KCNMA1: variants seen among roughly 807,000 people sequenced by gnomAD.
KCNMA1 encodes the protein potassium calcium-activated channel subfamily M alpha 1.
A neutral mutation model predicts 140.0 loss-of-function variants in KCNMA1; 29 were observed. That is an observed-to-expected ratio of 0.21 (90% CI 0.15 to 0.28). The LOEUF (loss-of-function observed/expected upper bound fraction) is 0.28. Ranked by LOEUF, KCNMA1 falls within the 10% of genes least tolerant of loss-of-function variation. The probability of loss-of-function intolerance (pLI) is 1.00; values close to 1 mark genes in which losing one functional copy is unlikely to be tolerated. For missense variants in KCNMA1, 880 were observed against 1,602.2 expected (o/e 0.55, Z 7.70); for synonymous variants, 612 against 611.9 (o/e 1.00, Z 0.00).
chr10:77,559,906 G>A (rs868245899), intron 1 of KCNMA1, among the ~76,000 whole-genome samples: 6 of 152,190 alleles, frequency 3.9e-5, no homozygotes, highest in Middle Eastern at 3.4e-3. Context: ...GGCCAGGCAT[G>A]GTGGCTCACA....
intron 1 of KCNMA1, among the ~76,000 whole-genome samples, chr10:77,538,100 T>TA (rs2059342576): frequency 6.6e-6 from 1 of 151,060 alleles, no homozygotes; most frequent in Non-Finnish European, 1.5e-5. Flanking sequence ...CACATTCACA[T>TA]ACTCTACACA....
At chr10:77,034,106 T>C (rs911770101) in intron 15 of KCNMA1, among the ~76,000 whole-genome samples, 6 of 151,878 alleles carry the variant, frequency 4.0e-5, no homozygotes, top group Non-Finnish European at 8.8e-5. Flanking sequence ...TAACCGGTTG[T>C]GGTGGCACAC....
chr10:77,290,048 C>T (rs374502386), intron 2 of KCNMA1, among the ~76,000 whole-genome samples: 2 of 152,128 alleles, frequency 1.3e-5, no homozygotes, highest in East Asian at 3.9e-4. Flanking sequence ...GGAGGCGGTT[C>T]GATGCGGTAA....
At chr10:77,482,685 AGAG>A (rs2098412157) in intron 1 of KCNMA1, among the ~76,000 whole-genome samples, 2 of 152,098 alleles carry the variant, frequency 1.3e-5, no homozygotes, top group South Asian at 4.2e-4. Context: ...GAAAGTCCAC[AGAG>A]AACAAGAAGA....
At chr10:77,189,865 A>G (rs1010152105) in intron 3 of KCNMA1, among the ~76,000 whole-genome samples, 3 of 152,156 alleles carry the variant, frequency 2.0e-5, no homozygotes, top group African/African-American at 7.2e-5. Flanking sequence ...AATGTTGCCA[A>G]ATTAATTTAA....
At chr10:77,560,785 G>A (rs570725036) in intron 1 of KCNMA1, among the ~76,000 whole-genome samples, 15 of 152,294 alleles carry the variant, frequency 9.8e-5, no homozygotes, top group Admixed American at 9.2e-4. Context: ...CCTGGTAGTG[G>A]GTTTGGGCCC....
intron 3 of KCNMA1, among the ~76,000 whole-genome samples, chr10:77,214,925 G>A (rs537373811): frequency 6.6e-6 from 1 of 152,168 alleles, no homozygotes; most frequent in Non-Finnish European, 1.5e-5. Flanking sequence ...TCCCCAGATG[G>A]TACCATCAAC....
At chr10:77,467,794 C>T (rs2098062434) in intron 1 of KCNMA1, among the ~76,000 whole-genome samples, 1 of 152,190 alleles carries the variant, frequency 6.6e-6, no homozygotes, top group African/African-American at 2.4e-5. Context: ...CGAATTTTGA[C>T]CTTGAAGCTA....
chr10:77,367,838 C>A (rs1194876535), intron 2 of KCNMA1, among the ~76,000 whole-genome samples: 1 of 152,106 alleles, frequency 6.6e-6, no homozygotes, highest in Non-Finnish European at 1.5e-5. Context: ...TTTAATTGAG[C>A]AAAATGTTGT....
At chr10:76,952,133 T>A (rs752627554) in intron 21 of KCNMA1, 93 of 1,551,650 alleles carry the variant, frequency 6.0e-5, no homozygotes, top group Non-Finnish European at 7.9e-5. Flanking sequence ...AAACCCTAGG[T>A]CCCAGATACG....
At chr10:77,151,140 C>CTTCT (rs369462001) in intron 5 of KCNMA1, among the ~76,000 whole-genome samples, 9 of 147,332 alleles carry the variant, frequency 6.1e-5, no homozygotes, top group Admixed American at 1.4e-4. Context: ...TCCTTTCTTT[C>CTTCT]TTCTTTCTTT....
intron 6 of KCNMA1, among the ~76,000 whole-genome samples, chr10:77,117,648 G>A (rs1042014547): frequency 6.6e-6 from 1 of 150,698 alleles, no homozygotes; most frequent in South Asian, 2.1e-4. Context: ...CCATGTTTTA[G>A]TCATCAATAT....
At chr10:77,029,008 G>A (rs969195329) in intron 15 of KCNMA1, among the ~76,000 whole-genome samples, 1 of 152,004 alleles carries the variant, frequency 6.6e-6, no homozygotes, top group Admixed American at 6.6e-5. Context: ...CATTCTAAAT[G>A]GCTTTTCAAA....
chr10:77,603,062 A>C (rs1001145381), intron 1 of KCNMA1, among the ~76,000 whole-genome samples: 1 of 152,192 alleles, frequency 6.6e-6, no homozygotes, highest in Non-Finnish European at 1.5e-5. Flanking sequence ...GTGTGCAAGG[A>C]AGAGTACAGT....
chr10:77,028,925 T>A (rs1315185206), intron 15 of KCNMA1, among the ~76,000 whole-genome samples: 2 of 152,172 alleles, frequency 1.3e-5, no homozygotes, highest in African/African-American at 4.8e-5. Context: ...GTTATTTATA[T>A]GGAGTAGAAA....
At chr10:77,249,471 C>T (rs575336509) in intron 3 of KCNMA1, 2 of 151,876 alleles carry the variant, frequency 1.3e-5, no homozygotes, top group Admixed American at 1.3e-4. Flanking sequence ...TACAGAGGGA[C>T]AAAAGGTTAA....
chr10:77,162,189 A>G (rs181766554), intron 5 of KCNMA1, among the ~76,000 whole-genome samples: 2 of 152,346 alleles, frequency 1.3e-5, no homozygotes, highest in Admixed American at 6.5e-5. Context: ...AGACCTGTAA[A>G]ACTGACTGCA....
chr10:76,975,586 T>A (rs1298002521), intron 19 of KCNMA1, among the ~76,000 whole-genome samples: 1 of 152,196 alleles, frequency 6.6e-6, no homozygotes, highest in Non-Finnish European at 1.5e-5. Context: ...GAGGCTGAGC[T>A]ATTAAGCACA....
intron 1 of KCNMA1, among the ~76,000 whole-genome samples, chr10:77,416,826 T>A (rs1021706740): frequency 1.1e-4 from 17 of 152,330 alleles, no homozygotes; most frequent in African/African-American, 3.8e-4. Flanking sequence ...AAATAATAAA[T>A]GAAGAAATTC....
Sources: allele counts gnomAD v4.1 joint callset (sites outside exome capture counted in the v4.1 genomes callset), GRCh38; gene constraint gnomAD v4.1.1; transcripts MANE v1.5; gene names NCBI Gene and HGNC (gene_info 2026-07-23, HGNC 2026-07-21).